GOLM1: variants seen among roughly 807,000 people sequenced by gnomAD.
GOLM1 encodes epididymis luminal protein 46.
Under a neutral mutation model 50.5 loss-of-function variants are expected in GOLM1, and 31 were observed. The ratio of observed to expected loss-of-function variants is 0.61; its 90% confidence interval spans 0.46 to 0.83. GOLM1 has a LOEUF of 0.83. GOLM1 is among the 40% of genes least tolerant of loss of function. The probability of loss-of-function intolerance (pLI) is 0.00; values close to 1 mark genes in which losing one functional copy is unlikely to be tolerated. For synonymous variants in GOLM1, 178 were observed against 192.8 expected (o/e 0.92, Z 0.64); for missense variants, 491 against 501.3 (o/e 0.98, Z 0.20).
chr9:86,046,424 G>A, intron 5 of GOLM1, 46 bp downstream of exon 5: 1 of 1,124,132 alleles, frequency 8.9e-7, no homozygotes, highest in Non-Finnish European at 1.4e-6. Flanking sequence ...CGCCTCCCAG[G>A]TGCCGTGCAC....
At chr9:86,081,096 T>G (rs1253790681) in intron 1 of GOLM1, among the ~76,000 whole-genome samples, 1 of 151,870 alleles carries the variant, frequency 6.6e-6, no homozygotes, top group Non-Finnish European at 1.5e-5. Context: ...CACTATTGCC[T>G]AGGTTGGCCT....
chr9:86,093,611 A>C (rs1002150145), intron 1 of GOLM1, among the ~76,000 whole-genome samples: 23 of 144,726 alleles, frequency 1.6e-4, no homozygotes, highest in African/African-American at 6.4e-4. Flanking sequence ...AAAGGAAAAA[A>C]CTGCATATTC....
Position 86,077,604 on chromosome 9 carries a change from C to T in GOLM1, c.130-13G>A, listed in dbSNP as rs1037334530. 19 of 1,608,324 alleles carry T rather than the reference C, an allele frequency of 1.2e-5. No individual in the cohort carries two copies. The highest frequency in any genetic ancestry group is 6.6e-5 in the South Asian group (6 of 90,944). On this transcript the variant is annotated splice_polypyrimidine_tract_variant and intron_variant, in intron 2 of 9. Coordinates refer to ENST00000388712, the MANE Select transcript of GOLM1 (RefSeq NM_016548.4). The stretch of plus-strand genomic sequence containing the variant: ...CCATGATCCGTGTCTACAAGGAGAC[C>T]GTGGCATTAGGGCTGATGCCAAGTT...
At chr9:86,036,294 C>T (rs1461421001) in intron 7 of GOLM1, 54 bp downstream of exon 7, 16 of 1,589,582 alleles carry the variant, frequency 1.0e-5, no homozygotes, top group Non-Finnish European at 1.3e-5. Flanking sequence ...GGACTGCTTC[C>T]TCTGATGGGG....
At chr9:86,095,411 T>C (rs1173701206) in intron 1 of GOLM1, among the ~76,000 whole-genome samples, 14 of 114,910 alleles carry the variant, frequency 1.2e-4, no homozygotes, top group Non-Finnish European at 2.0e-4. Flanking sequence ...GTATTTTCCC[T>C]TTTTTTTTTT....
At chr9:86,051,293 C>T (rs1036080199) in intron 4 of GOLM1, among the ~76,000 whole-genome samples, 1 of 152,114 alleles carries the variant, frequency 6.6e-6, no homozygotes, top group Non-Finnish European at 1.5e-5. Flanking sequence ...ACTATGTGGT[C>T]AATTTTGGAA....
At chr9:86,052,427 C>G in intron 4 of GOLM1, 110 bp downstream of exon 4, 2 of 855,530 alleles carry the variant, frequency 2.3e-6, no homozygotes, top group Admixed American at 1.9e-5. Flanking sequence ...ACTCATGACA[C>G]TATCCGCCAT....
intron 1 of GOLM1, among the ~76,000 whole-genome samples, chr9:86,082,917 T>A (rs1834829524): frequency 6.6e-6 from 1 of 152,266 alleles, no homozygotes; most frequent in East Asian, 1.9e-4. Context: ...CACTCTTCTG[T>A]AAATGCTGTG....
intron 1 of GOLM1, among the ~76,000 whole-genome samples, chr9:86,096,406 A>T (rs1222525768): frequency 6.6e-6 from 1 of 152,228 alleles, no homozygotes; most frequent in East Asian, 1.9e-4. Context: ...TTTCAGAAAC[A>T]GGTTGCCAAC....
chr9:86,069,251 T>C (rs1163620423), intron 3 of GOLM1, among the ~76,000 whole-genome samples: 1 of 152,200 alleles, frequency 6.6e-6, no homozygotes, highest in Non-Finnish European at 1.5e-5. Flanking sequence ...TTATTTTAAT[T>C]AAGGAAAAGC....
chr9:86,065,366 G>C (rs1225751258), intron 3 of GOLM1, among the ~76,000 whole-genome samples: 1 of 152,140 alleles, frequency 6.6e-6, no homozygotes, highest in Non-Finnish European at 1.5e-5. Context: ...AAATCGGTGA[G>C]AATAAAAACA....
Position 86,077,594 on chromosome 9 carries a change from A to G in GOLM1, c.130-3T>C. On this transcript the variant is annotated splice_polypyrimidine_tract_variant and splice_region_variant and intron_variant, in intron 2 of 9. Transcript: ENST00000388712. Reference sequence around the variant, plus strand: ...CCTTCCAGCTCCATGATCCGTGTCTACAAGGAGACCGTGGCATTAGGGCTG... The same window carrying G: ...CCTTCCAGCTCCATGATCCGTGTCTGCAAGGAGACCGTGGCATTAGGGCTG... The G allele has an allele frequency of 1.2e-6, 2 of 1,611,410 alleles. No homozygotes were observed. Among genetic ancestry groups the G allele is most frequent in the Non-Finnish European group, 1.7e-6 (2 of 1,178,010 alleles).
chr9:86,059,700 G>T (rs952963571), intron 3 of GOLM1, among the ~76,000 whole-genome samples: 2 of 151,890 alleles, frequency 1.3e-5, no homozygotes, highest in African/African-American at 2.4e-5. Context: ...TTCGAGACCA[G>T]CCTAGCCAAC....
intron 1 of GOLM1, among the ~76,000 whole-genome samples, chr9:86,082,183 C>T (rs1232319095): frequency 6.6e-6 from 1 of 151,466 alleles, no homozygotes; most frequent in Non-Finnish European, 1.5e-5. Context: ...CACCTGCCAC[C>T]ACACCTGGCT....
chr9:86,061,995 C>G (rs933286632), intron 3 of GOLM1, among the ~76,000 whole-genome samples: 1 of 152,114 alleles, frequency 6.6e-6, no homozygotes, highest in Non-Finnish European at 1.5e-5. Context: ...GGAAGGGCGT[C>G]GGGAGATTAA....
At chr9:86,041,453 A>C (rs954392703) in intron 5 of GOLM1, among the ~76,000 whole-genome samples, 1 of 152,074 alleles carries the variant, frequency 6.6e-6, no homozygotes, top group Non-Finnish European at 1.5e-5. Context: ...TACATAAAAC[A>C]CTCAGACAAA....
chr9:86,052,749 C>T (rs1833798350), intron 3 of GOLM1, among the ~76,000 whole-genome samples, 158 bp from the exon 4 acceptor site: 1 of 152,154 alleles, frequency 6.6e-6, no homozygotes, highest in Non-Finnish European at 1.5e-5. Flanking sequence ...CCCATGTCTG[C>T]TGCTGAAAAG....
chr9:86,057,686 T>C (rs999023853), intron 3 of GOLM1, among the ~76,000 whole-genome samples: 10 of 152,194 alleles, frequency 6.6e-5, no homozygotes, highest in African/African-American at 2.4e-4. Context: ...GCCATAGGCA[T>C]GCTGCGGCCC....
chr9:86,057,674 G>A (rs903387122), intron 3 of GOLM1, among the ~76,000 whole-genome samples: 2 of 152,214 alleles, frequency 1.3e-5, no homozygotes, highest in African/African-American at 4.8e-5. Context: ...GCTGGAAGCG[G>A]AGCCATAGGC....
Sources: allele counts gnomAD v4.1 joint callset (sites outside exome capture counted in the v4.1 genomes callset), GRCh38; gene constraint gnomAD v4.1.1; transcripts MANE v1.5; gene names NCBI Gene and HGNC (gene_info 2026-07-23, HGNC 2026-07-21).